The following SIDT1 variants were observed in gnomAD, a reference collection of about 807,000 sequenced individuals.
SIDT1 encodes SID1 transmembrane family member 1.
A neutral mutation model predicts 107.5 loss-of-function variants in SIDT1; 101 were observed. The ratio of observed to expected loss-of-function variants is 0.94; its 90% CI spans 0.80 to 1.11. SIDT1 has a LOEUF of 1.11. SIDT1 is among the 50% of genes least tolerant of loss of function. The pLI, the probability that SIDT1 is intolerant of heterozygous loss-of-function variation, is 0.00. For missense variants in SIDT1, 1,076 were observed against 1,058.2 expected (o/e 1.02, Z -0.23); for synonymous variants, 395 against 398.2 (o/e 0.99, Z 0.10).
Position 113,616,127 on chromosome 3 carries a change from T to C in SIDT1, c.1994T>C (p.Met665Thr), listed in dbSNP as rs1355458981. 1 of 1,614,016 alleles carries C rather than the reference T, an allele frequency of 6.2e-7. No individual in the cohort carries two copies. Among genetic ancestry groups the C allele is most frequent in the Admixed American group, 1.7e-5 (1 of 60,020 alleles). The change falls in exon 20 of 25, where the codon ATG (methionine) becomes ACG (threonine). Residue 665 changes from methionine to threonine, a missense_variant. By Grantham distance (81) the Met-to-Thr change is moderately conservative. Transcript: ENST00000264852. ...TTGGGAATTTTCCGGCGGGCTGCCATGGTGTTCTACACAGACTGTATCCAG... is the reference window on the plus strand; with the variant it reads ...TTGGGAATTTTCCGGCGGGCTGCCACGGTGTTCTACACAGACTGTATCCAG... ...IDLGIFRRAAMVFYTDCIQQC... is the reference protein window; with the variant it reads ...IDLGIFRRAATVFYTDCIQQC...
At chr3:113,594,691 T>G (rs1180300299) in intron 10 of SIDT1, among the ~76,000 whole-genome samples, 14 of 152,116 alleles carry the variant, frequency 9.2e-5, no homozygotes. Context: ...GGTACCCTTC[T>G]GATGGTAAGC....
intron 15 of SIDT1, among the ~76,000 whole-genome samples, chr3:113,607,770 C>T (rs1282189452): frequency 6.6e-6 from 1 of 152,194 alleles, no homozygotes; most frequent in Non-Finnish European, 1.5e-5. Flanking sequence ...GTAGCTGAAA[C>T]ACTTGCCTGT....
intron 1 of SIDT1, among the ~76,000 whole-genome samples, chr3:113,534,399 T>G (rs1227693675): frequency 6.6e-6 from 1 of 152,156 alleles, no homozygotes; most frequent in African/African-American, 2.4e-5. Context: ...GAGTGCCCCA[T>G]CTCCAGTGTG....
At chr3:113,567,806 A>G in intron 3 of SIDT1, 96 bp downstream of exon 3, 1 of 1,256,342 alleles carries the variant, frequency 8.0e-7, no homozygotes, top group Non-Finnish European at 1.1e-6. Context: ...TCTGGAAGGA[A>G]ATTATCCACT....
At chr3:113,610,698 G>A (rs1465389928) in intron 17 of SIDT1, among the ~76,000 whole-genome samples, 1 of 152,152 alleles carries the variant, frequency 6.6e-6, no homozygotes, top group Non-Finnish European at 1.5e-5. Context: ...AACGCAAGTG[G>A]GGGTAGTTGT....
intron 19 of SIDT1, chr3:113,612,442 T>A (rs9842516): frequency 3.5e-6 from 2 of 567,258 alleles, no homozygotes; most frequent in African/African-American, 3.7e-5. Context: ...CAGAGATGAG[T>A]TGTACCTCCA....
At chr3:113,587,529 A>G (rs1240531944) in intron 9 of SIDT1, among the ~76,000 whole-genome samples, 1 of 152,180 alleles carries the variant, frequency 6.6e-6, no homozygotes, top group East Asian at 1.9e-4. Context: ...CTTCTTCTTG[A>G]TGTTTGTTTA....
At chr3:113,556,706 T>A (rs1340065177) in intron 1 of SIDT1, among the ~76,000 whole-genome samples, 1 of 152,110 alleles carries the variant, frequency 6.6e-6, no homozygotes, top group African/African-American at 2.4e-5. Context: ...AGAAAATATT[T>A]TATTAGTTAC....
chr3:113,593,217 A>G (rs934343693), intron 10 of SIDT1, among the ~76,000 whole-genome samples, 169 bp downstream of exon 10: 2 of 152,192 alleles, frequency 1.3e-5, no homozygotes, highest in East Asian at 1.9e-4. Flanking sequence ...GTGAAAACCA[A>G]TTCTATAGTT....
At chr3:113,589,087 C>A (rs1279229395) in intron 9 of SIDT1, among the ~76,000 whole-genome samples, 1 of 152,188 alleles carries the variant, frequency 6.6e-6, no homozygotes, top group Non-Finnish European at 1.5e-5. Flanking sequence ...CTTGAAGATG[C>A]AGATTCGGAA....
At chr3:113,553,864 G>T (rs997934596) in intron 1 of SIDT1, among the ~76,000 whole-genome samples, 15 of 152,124 alleles carry the variant, frequency 9.9e-5, no homozygotes, top group African/African-American at 3.6e-4. Context: ...TGACCAACAT[G>T]GTGAAACACC....
chr3:113,537,845 C>A (rs1459075253), intron 1 of SIDT1, among the ~76,000 whole-genome samples: 1 of 152,162 alleles, frequency 6.6e-6, no homozygotes, highest in South Asian at 2.1e-4. Context: ...TGCAGTGGCA[C>A]GATCTCGGCT....
intron 17 of SIDT1, 63 bp downstream of exon 17, chr3:113,608,599 C>CA: frequency 8.6e-7 from 1 of 1,165,828 alleles, no homozygotes; most frequent in African/African-American, 1.5e-5. Flanking sequence ...GAACCCTCCC[C>CA]AAAAATGCCA....
chr3:113,532,614 A>C lies in SIDT1; in HGVS notation c.-408A>C. On this transcript the variant is annotated 5_prime_UTR_variant, in exon 1 of 25. Coordinates refer to ENST00000264852, the MANE Select transcript of SIDT1 (RefSeq NM_017699.3). ...GGCGTCAGGTTGACTTTTCGAGACTAGCGGGTATTTCTTTTTAATGACTCC... is the reference window on the plus strand; with the variant it reads ...GGCGTCAGGTTGACTTTTCGAGACTCGCGGGTATTTCTTTTTAATGACTCC... The C allele has an allele frequency of 6.0e-6, 1 of 165,530 alleles. No homozygotes were observed. Among genetic ancestry groups the C allele is most frequent in the Non-Finnish European group, 1.3e-5 (1 of 77,356 alleles). The allele number at this position is 165,530 out of a possible 1,614,324, so 10.3% of individuals were successfully genotyped here.
downstream of SIDT1, among the ~76,000 whole-genome samples, chr3:113,630,011 G>T (rs2107892955): frequency 6.6e-6 from 1 of 152,312 alleles, no homozygotes. Context: ...CACAAGGGCT[G>T]GGGCAGAGGG....
intron 9 of SIDT1, among the ~76,000 whole-genome samples, chr3:113,588,152 A>G (rs1302785975): frequency 1.3e-5 from 2 of 152,228 alleles, no homozygotes; most frequent in East Asian, 1.9e-4. Context: ...TATTTAGCCA[A>G]CTAAGCCAAG....
intron 20 of SIDT1, among the ~76,000 whole-genome samples, chr3:113,618,864 A>G (rs1252590569): frequency 6.6e-6 from 1 of 152,186 alleles, no homozygotes; most frequent in Non-Finnish European, 1.5e-5. Flanking sequence ...TTGCTCTATC[A>G]CCCAGGCTGG....
intron 19 of SIDT1, chr3:113,615,036 T>A: frequency 6.5e-7 from 1 of 1,535,614 alleles, no homozygotes; most frequent in African/African-American, 1.4e-5. Flanking sequence ...TTTTTTCTCC[T>A]TTCTTCTCTG....
In SIDT1 at chr3:113,533,015, GC is replaced by G. The variant is rs1194874999; in HGVS notation, c.-4del. 1 of 1,359,284 alleles carries G rather than the reference GC, an allele frequency of 7.4e-7. No homozygotes were observed. 84.2% of individuals were successfully genotyped at this position (1,359,284 alleles called of 1,614,324 possible). On this transcript the variant is annotated 5_prime_UTR_variant, in exon 1 of 25. Coordinates refer to ENST00000264852, the MANE Select transcript of SIDT1 (RefSeq NM_017699.3). ...CTCCGCTTTCGAGCCCGGGCGCGGT[GC>G]CCACCATGCGCGGCTGCCTGCGGCT... is the stretch of plus-strand genomic sequence containing the variant.
Sources: allele counts gnomAD v4.1 joint callset (sites outside exome capture counted in the v4.1 genomes callset), GRCh38; gene constraint gnomAD v4.1.1; transcripts MANE v1.5; gene names NCBI Gene and HGNC (gene_info 2026-07-23, HGNC 2026-07-21).